COL5A1: variants seen among roughly 807,000 people sequenced by gnomAD.
COL5A1 encodes collagen alpha-1(V) chain.
In COL5A1, 16 loss-of-function variants were observed where a neutral mutation model predicts 263.7. The ratio of observed to expected loss-of-function variants is 0.06; its 90% CI spans 0.04 to 0.09. The LOEUF is 0.09. Among genes scored for constraint, COL5A1 ranks in the 10% least tolerant of loss-of-function variants. The pLI, the probability that COL5A1 is intolerant of heterozygous loss-of-function variation, is 1.00. For missense variants in COL5A1, 2,036 were observed against 2,540.5 expected (o/e 0.80, Z 4.27); for synonymous variants, 1,012 against 1,004.5 (o/e 1.01, Z -0.14).
chr9:134,777,154 A>G (rs909664445), intron 27 of COL5A1, among the ~76,000 whole-genome samples: 1 of 152,232 alleles, frequency 6.6e-6, no homozygotes, highest in African/African-American at 2.4e-5. Flanking sequence ...CACCTGTTTA[A>G]GCTTGACTGT....
rs990624371 is a variant in COL5A1, at chr9:134,680,962, G to A, written c.110-9950G>A. ...GCCTCGGGGGGCAGCGGGAGAGGCC[G>A]GGCCATCTGCCATCCTCCCAGGATG... On this transcript the variant is annotated intron_variant, in intron 1 of 65. Coordinates refer to ENST00000371817, the MANE Select transcript of COL5A1 (RefSeq NM_000093.5). The surrounding 1 kb of genome is among the most constrained non-coding windows in gnomAD (Gnocchi z 5.9). 9.2e-5 allele frequency among the ~76,000 whole-genome samples: 14 copies of A among 152,282 alleles called. No individual in the cohort carries two copies. Among genetic ancestry groups the A allele is most frequent in the African/African-American group, 3.1e-4 (13 of 41,556 alleles).
At chr9:134,795,015 G>T in intron 32 of COL5A1, 67 bp from the exon 33 acceptor site, 3 of 1,558,376 alleles carry the variant, frequency 1.9e-6, no homozygotes, top group Non-Finnish European at 2.7e-6. Flanking sequence ...TAACCCGGGA[G>T]ACAGCTGCCA....
At chr9:134,802,484 A>G (rs1419336003) in intron 38 of COL5A1, among the ~76,000 whole-genome samples, 1 of 152,222 alleles carries the variant, frequency 6.6e-6, no homozygotes, top group East Asian at 1.9e-4. Flanking sequence ...CACCTCATGT[A>G]GCGGTGAGTA....
At chr9:134,770,954 A>T (rs1178709166) in intron 25 of COL5A1, among the ~76,000 whole-genome samples, 2 of 152,240 alleles carry the variant, frequency 1.3e-5, no homozygotes, top group Admixed American at 1.3e-4. Flanking sequence ...TCTGTAACTG[A>T]AAATATACCT....
intron 42 of COL5A1, 121 bp from the exon 43 acceptor site, chr9:134,809,062 G>A: frequency 1.1e-6 from 1 of 874,952 alleles, no homozygotes; most frequent in South Asian, 1.4e-5. Flanking sequence ...GGACTGTGGG[G>A]ACGGTCACCC....
In COL5A1 at chr9:134,767,035, G is replaced by C. The variant is rs1836696615; in HGVS notation, c.2169G>C (p.Gln723His). The C allele has an allele frequency of 6.2e-7, 1 of 1,613,554 alleles. No homozygotes were observed. Among genetic ancestry groups the C allele is most frequent in the South Asian group, 1.1e-5 (1 of 91,016 alleles). The change falls in exon 23 of 66, where the codon CAG (glutamine) becomes CAC (histidine). Residue 723 changes from glutamine to histidine, a missense_variant. Around this residue, in one of 3 missense-constraint regions of COL5A1, gnomAD observed 1,078 missense variants for 1,521.4 expected, o/e 0.71. Transcript: ENST00000371817. The part of the protein sequence containing the change: ...PQGEPGPPGQ[Q>H]GNPGAQGLPG... Reference sequence around the variant, plus strand: ...GAGAGCCTGGCCCCCCAGGACAGCAGGGTAATCCAGGCGCCCAGGTAAGTG... The same window carrying C: ...GAGAGCCTGGCCCCCCAGGACAGCACGGTAATCCAGGCGCCCAGGTAAGTG...
intron 37 of COL5A1, among the ~76,000 whole-genome samples, chr9:134,801,259 A>G (rs951523641): frequency 6.6e-6 from 1 of 152,262 alleles, no homozygotes; most frequent in African/African-American, 2.4e-5. Flanking sequence ...ATACATGCTG[A>G]GGAGCACGCG....
In COL5A1 at chr9:134,794,052, G is replaced by A. The variant is rs1837810430; in HGVS notation, c.2701-1030G>A. On this transcript the variant is annotated intron_variant, in intron 32 of 65. Transcript: ENST00000371817. This position sits in a 1 kb window ranked among gnomAD's most constrained non-coding sequence, Gnocchi z 4.3. The stretch of plus-strand genomic sequence containing the variant: ...TCAGAAACCAGTCAAGTTCAGCCAG[G>A]CACGGTGGCTCACGCTTGTAATCCC... Among the ~76,000 whole-genome samples the A allele has an allele frequency of 6.6e-6, 1 of 152,272 alleles. No homozygotes were observed. The highest frequency in any genetic ancestry group is 2.1e-4 in the South Asian group (1 of 4,832).
intron 63 of COL5A1, among the ~76,000 whole-genome samples, chr9:134,828,186 G>C (rs1304843837): frequency 1.3e-5 from 2 of 152,140 alleles, no homozygotes; most frequent in Non-Finnish European, 2.9e-5. Context: ...CCAGCGTGCA[G>C]GTCTCCCCTC....
At chr9:134,796,735 G>C (rs919803307) in intron 35 of COL5A1, 113 bp from the exon 36 acceptor site, 15 of 1,004,640 alleles carry the variant, frequency 1.5e-5, no homozygotes, top group Non-Finnish European at 2.2e-5. Flanking sequence ...AAGGCCATGG[G>C]GGTGGGAAGA....
Position 134,701,153 on chromosome 9 carries a change from C to T in COL5A1, c.492-18C>T, listed in dbSNP as rs1470474061. Reference sequence around the variant, plus strand: ...ATCTGTGATCCAAGCCCTGTCTTCACCATCTGTTTCTTTGCAGGTGGCACA... The same window carrying T: ...ATCTGTGATCCAAGCCCTGTCTTCATCATCTGTTTCTTTGCAGGTGGCACA... On this transcript the variant is annotated intron_variant, in intron 3 of 65. Transcript: ENST00000371817. The T allele has an allele frequency of 9.3e-6, 15 of 1,613,470 alleles. No homozygotes were observed. Among genetic ancestry groups the T allele is most frequent in the Non-Finnish European group, 1.3e-5 (15 of 1,179,878 alleles).
Position 134,742,917 on chromosome 9 carries a change from G to A in COL5A1, c.1494+4109G>A, listed in dbSNP as rs151140386. ...GGAAGGAGAGGGCTGGGGACCATCA[G>A]TAAAGATTCAGGCCCCAGTGAGTCC... On this transcript the variant is annotated intron_variant, in intron 11 of 65. Transcript: ENST00000371817. This position sits in a 1 kb window ranked among gnomAD's most constrained non-coding sequence, Gnocchi z 4.6. Among the ~76,000 whole-genome samples, 16 of 152,286 alleles carry A rather than the reference G, an allele frequency of 1.1e-4. No homozygotes were observed. The East Asian group carries it at 3.1e-3, about 29-fold the overall frequency.
intron 19 of COL5A1, among the ~76,000 whole-genome samples, chr9:134,763,186 G>T (rs1315767084): frequency 2.0e-5 from 3 of 152,184 alleles, no homozygotes; most frequent in Non-Finnish European, 2.9e-5. Flanking sequence ...TGGTGCTTTG[G>T]CGAGGGACAG....
Position 134,789,110 on chromosome 9 carries a change from A to T in COL5A1, c.2647-45A>T, listed in dbSNP as rs751576224. The T allele has an allele frequency of 6.3e-7, 1 of 1,586,916 alleles. No homozygotes were observed. The highest frequency in any genetic ancestry group is 8.6e-7 in the Non-Finnish European group (1 of 1,157,080). ...CCAGGCGGCCCATGCAGCATGACTC[A>T]TTCCTGGCCCAGCTCTGATGCCTCC... On this transcript the variant is annotated intron_variant, in intron 31 of 65. Coordinates refer to ENST00000371817, the MANE Select transcript of COL5A1 (RefSeq NM_000093.5). This position sits in a 1 kb window ranked among gnomAD's most constrained non-coding sequence, Gnocchi z 4.8.
At chr9:134,732,796 C>T (rs945660708) in intron 9 of COL5A1, 28 of 158,130 alleles carry the variant, frequency 1.8e-4, no homozygotes, top group Non-Finnish European at 2.8e-4. Flanking sequence ...TCCTGGTTGG[C>T]GCGTTTGGTG....
chr9:134,819,093 G>A, intron 57 of COL5A1, 40 bp downstream of exon 57: 3 of 1,606,522 alleles, frequency 1.9e-6, no homozygotes, highest in Non-Finnish European at 2.6e-6. Flanking sequence ...GTGACTCGGG[G>A]CCTTCAAATT....
chr9:134,748,419 A>C (rs888773592), intron 11 of COL5A1, among the ~76,000 whole-genome samples: 6 of 152,206 alleles, frequency 3.9e-5, no homozygotes, highest in African/African-American at 1.4e-4. Context: ...ACATACATGC[A>C]CACACACTTA....
Position 134,842,107 on chromosome 9 carries a change from A to C in COL5A1, c.5371-50A>C. 2 of 1,609,016 alleles carry C rather than the reference A, an allele frequency of 1.2e-6. No homozygotes were observed. Among genetic ancestry groups the C allele is most frequent in the Non-Finnish European group, 1.7e-6 (2 of 1,175,598 alleles). On this transcript the variant is annotated intron_variant, in intron 65 of 65. Coordinates refer to ENST00000371817, the MANE Select transcript of COL5A1 (RefSeq NM_000093.5). The surrounding 1 kb of genome is among the most constrained non-coding windows in gnomAD (Gnocchi z 5.8). ...TGTGGGGGGTGATTGGTAAACCCCAAGACCCCCAACTGTTCTTAACCACCG... is the reference window on the plus strand; with the variant it reads ...TGTGGGGGGTGATTGGTAAACCCCACGACCCCCAACTGTTCTTAACCACCG...
At chr9:134,814,205 T>A (rs1156695784) in intron 49 of COL5A1, among the ~76,000 whole-genome samples, 169 bp downstream of exon 49, 7 of 152,168 alleles carry the variant, frequency 4.6e-5, no homozygotes, top group Admixed American at 3.3e-4. Flanking sequence ...GTGTGTGATG[T>A]GGGAGTCAGC....
Sources: gnomAD v4.1 joint callset for allele counts (sites outside exome capture counted in the v4.1 genomes callset) on GRCh38, gnomAD v4.1.1 for gene constraint, gnomAD v4.1.1 regional missense constraint, Gnocchi (gnomAD v3.1) non-coding constraint, MANE v1.5 for transcripts, NCBI Gene and HGNC (gene_info 2026-07-23, HGNC 2026-07-21) for gene names.